Variants in PRKG1 observed in about 807,000 individuals in gnomAD.
PRKG1 encodes cGMP-dependent protein kinase 1.
In PRKG1, 35 loss-of-function variants were observed where a neutral mutation model predicts 88.1. The ratio of observed to expected loss-of-function variants is 0.40; its 90% CI spans 0.30 to 0.53. The LOEUF (loss-of-function observed/expected upper bound fraction) is 0.53. Ranked by LOEUF, PRKG1 falls within the 20% of genes least tolerant of loss-of-function variation. The pLI is 0.59. For missense variants in PRKG1, 540 were observed against 839.8 expected, an observed-to-expected ratio of 0.64 and a Z score of 4.41; for synonymous variants, 303 against 292.5, an observed-to-expected ratio of 1.04 and a Z score of -0.37.
intron 5 of PRKG1, among the ~76,000 whole-genome samples, chr10:52,028,756 T>C (rs934933148): frequency 2.0e-5 from 3 of 152,230 alleles, no homozygotes; most frequent in Admixed American, 6.5e-5. Flanking sequence ...TCTTTCATTA[T>C]ATGTAACACA....
chr10:51,924,789 C>T (rs1353741303), intron 5 of PRKG1, among the ~76,000 whole-genome samples: 3 of 151,064 alleles, frequency 2.0e-5, no homozygotes, highest in African/African-American at 7.3e-5. Context: ...TACTTTCAAG[C>T]TCACCAAGTC....
chr10:51,948,230 T>A (rs917958199), intron 5 of PRKG1, among the ~76,000 whole-genome samples: 1 of 152,176 alleles, frequency 6.6e-6, no homozygotes, highest in Non-Finnish European at 1.5e-5. Flanking sequence ...TTTATTGCCA[T>A]ACATAGAACA....
chr10:51,249,184 CA>C (rs1381445628), intron 2 of PRKG1, among the ~76,000 whole-genome samples: 7 of 151,346 alleles, frequency 4.6e-5, no homozygotes, highest in Non-Finnish European at 8.9e-5. Context: ...AAACTAGGGG[CA>C]AAAAAATTTT....
chr10:51,385,170 A>G (rs949411019), intron 2 of PRKG1, among the ~76,000 whole-genome samples: 2 of 152,186 alleles, frequency 1.3e-5, no homozygotes, highest in Non-Finnish European at 1.5e-5. Flanking sequence ...GGGTAATGCG[A>G]TACATTATGT....
chr10:51,732,962 G>A (rs1260323907), intron 3 of PRKG1, among the ~76,000 whole-genome samples: 1 of 152,054 alleles, frequency 6.6e-6, no homozygotes, highest in African/African-American at 2.4e-5. Flanking sequence ...TCCAGTTCTG[G>A]TGAGGATCTC....
At chr10:51,202,140 G>A (rs1837927489) in intron 2 of PRKG1, among the ~76,000 whole-genome samples, 1 of 152,112 alleles carries the variant, frequency 6.6e-6, no homozygotes, top group Admixed American at 6.5e-5. Context: ...ATTGTTAAAG[G>A]TTCACACCTA....
intron 3 of PRKG1, among the ~76,000 whole-genome samples, chr10:51,559,288 G>A (rs1376629295): frequency 6.6e-6 from 1 of 152,032 alleles, no homozygotes; most frequent in Non-Finnish European, 1.5e-5. Flanking sequence ...AAATGATACC[G>A]ACGGGACAGA....
At chr10:51,118,507 A>G (rs894892743) in intron 1 of PRKG1, among the ~76,000 whole-genome samples, 7 of 152,198 alleles carry the variant, frequency 4.6e-5, no homozygotes, top group Admixed American at 3.9e-4. Context: ...GTTTATTATC[A>G]TTACAGAAAG....
At chr10:51,298,845 A>G (rs1840793462) in intron 2 of PRKG1, among the ~76,000 whole-genome samples, 1 of 152,170 alleles carries the variant, frequency 6.6e-6, no homozygotes. Context: ...TGCTAGGACA[A>G]TTCCTGGCAC....
At chr10:51,027,972 T>C (rs899433344) in intron 1 of PRKG1, among the ~76,000 whole-genome samples, 1 of 152,204 alleles carries the variant, frequency 6.6e-6, no homozygotes, top group Non-Finnish European at 1.5e-5. Context: ...TGGTAGATAA[T>C]GCTAGACAAA....
chr10:51,664,577 A>G (rs1840378019), intron 3 of PRKG1, among the ~76,000 whole-genome samples: 1 of 152,162 alleles, frequency 6.6e-6, no homozygotes, highest in African/African-American at 2.4e-5. Context: ...TTGAGTTGCT[A>G]GTCCAACCCT....
At chr10:50,994,308 T>C (rs1842811026) in intron 1 of PRKG1, among the ~76,000 whole-genome samples, 1 of 152,116 alleles carries the variant, frequency 6.6e-6, no homozygotes, top group South Asian at 2.1e-4. Context: ...GGATACAATA[T>C]TTAATATGAA....
chr10:51,399,800 A>T (rs76437840), intron 2 of PRKG1, among the ~76,000 whole-genome samples: 1 of 152,146 alleles, frequency 6.6e-6, no homozygotes, highest in Non-Finnish European at 1.5e-5. Flanking sequence ...TTCTAAGCAC[A>T]ACAGCGGAAA....
At chr10:52,113,231 G>T (rs1847607766) in intron 7 of PRKG1, among the ~76,000 whole-genome samples, 1 of 152,114 alleles carries the variant, frequency 6.6e-6, no homozygotes, top group Non-Finnish European at 1.5e-5. Context: ...TGAAATAAAA[G>T]TTTGTTGCTA....
intron 3 of PRKG1, among the ~76,000 whole-genome samples, chr10:51,690,267 C>T (rs990310445): frequency 3.3e-5 from 5 of 152,104 alleles, no homozygotes; most frequent in African/African-American, 1.2e-4. Context: ...AATCACCTCC[C>T]ACAAGGCCCC....
At chr10:51,282,492 A>C (rs1840326555) in intron 2 of PRKG1, among the ~76,000 whole-genome samples, 1 of 152,188 alleles carries the variant, frequency 6.6e-6, no homozygotes, top group Admixed American at 6.5e-5. Flanking sequence ...AATCATCAAC[A>C]TTTAAGAACC....
intron 5 of PRKG1, among the ~76,000 whole-genome samples, chr10:52,006,045 A>G (rs1844726146): frequency 6.6e-6 from 1 of 152,012 alleles, no homozygotes; most frequent in Admixed American, 6.6e-5. Context: ...TTATACCATA[A>G]TCAAACCCCC....
At chr10:51,420,876 G>A (rs1267982442) in intron 2 of PRKG1, among the ~76,000 whole-genome samples, 1 of 152,140 alleles carries the variant, frequency 6.6e-6, no homozygotes, top group Non-Finnish European at 1.5e-5. Context: ...ACTTCACATG[G>A]TAAAAGTAGG....
At chr10:51,148,234 C>A in intron 1 of PRKG1, 2 of 985,148 alleles carry the variant, frequency 2.0e-6, no homozygotes, top group Non-Finnish European at 2.4e-6. Context: ...GTCTGAGTTC[C>A]CAAATGGATA....
Sources: allele counts gnomAD v4.1 joint callset (sites outside exome capture counted in the v4.1 genomes callset), GRCh38; gene constraint gnomAD v4.1.1; transcripts MANE v1.5; gene names NCBI Gene and HGNC (gene_info 2026-07-23, HGNC 2026-07-21).